Variants in PDE11A observed in about 807,000 individuals in gnomAD.
The protein encoded by PDE11A is phosphodiesterase 11A, also known as dual 3',5'-cyclic-AMP and -GMP phosphodiesterase 11A.
PDE11A carries 100 observed loss-of-function variants against 100.5 expected under a neutral mutation model. The ratio of observed to expected loss-of-function variants is 1.00; its 90% confidence interval spans 0.85 to 1.18. The LOEUF is 1.18. PDE11A is among the 50% of genes most tolerant of loss of function. PDE11A has a pLI of 0.00. For synonymous variants in PDE11A, 381 were observed against 420.8 expected (o/e 0.91, Z 1.16); for missense variants, 1,141 against 1,152.6 (o/e 0.99, Z 0.15).
intron 1 of PDE11A, among the ~76,000 whole-genome samples, chr2:178,065,198 A>G (rs1250654082): frequency 6.6e-6 from 1 of 152,232 alleles, no homozygotes; most frequent in East Asian, 1.9e-4. Context: ...ATGGCAAAAT[A>G]CTACCCTTAA....
At chr2:177,979,389 G>T (rs1216812872) in intron 2 of PDE11A, among the ~76,000 whole-genome samples, 1 of 150,502 alleles carries the variant, frequency 6.6e-6, no homozygotes, top group African/African-American at 2.4e-5. Flanking sequence ...TTTTTATATT[G>T]TTATGAGATA....
intron 2 of PDE11A, among the ~76,000 whole-genome samples, chr2:177,983,800 C>T (rs1162301653): frequency 6.6e-6 from 1 of 152,068 alleles, no homozygotes; most frequent in Non-Finnish European, 1.5e-5. Flanking sequence ...TAGATATAGC[C>T]ATAACATAAA....
chr2:177,649,773 A>G (rs978953630), intron 19 of PDE11A, among the ~76,000 whole-genome samples: 13 of 152,226 alleles, frequency 8.5e-5, no homozygotes, highest in Non-Finnish European at 1.3e-4. Flanking sequence ...AAAAAGGAGT[A>G]TGAGGGAGGA....
intron 10 of PDE11A, among the ~76,000 whole-genome samples, chr2:177,763,618 C>T (rs1427888373): frequency 6.6e-6 from 1 of 152,144 alleles, no homozygotes; most frequent in Non-Finnish European, 1.5e-5. Flanking sequence ...AGTAAGCTCC[C>T]GGCCTCTGCC....
At chr2:177,823,387 G>A (rs933493883) in intron 6 of PDE11A, among the ~76,000 whole-genome samples, 4 of 152,290 alleles carry the variant, frequency 2.6e-5, no homozygotes, top group Non-Finnish European at 4.4e-5. Flanking sequence ...AGCAGCCCAA[G>A]ACCCTTTACA....
At chr2:177,721,502 A>G (rs2081525018) in intron 12 of PDE11A, among the ~76,000 whole-genome samples, 1 of 152,202 alleles carries the variant, frequency 6.6e-6, no homozygotes, top group Non-Finnish European at 1.5e-5. Context: ...ACATCAAAAG[A>G]TAATAAATAA....
intron 18 of PDE11A, among the ~76,000 whole-genome samples, chr2:177,666,554 A>T (rs1473396503): frequency 6.6e-6 from 1 of 152,100 alleles, no homozygotes; most frequent in Admixed American, 6.6e-5. Context: ...GCCTCACCCA[A>T]CACTTGTTAT....
At chr2:178,062,309 G>A (rs1442362045) in intron 1 of PDE11A, among the ~76,000 whole-genome samples, 3 of 147,224 alleles carry the variant, frequency 2.0e-5, no homozygotes, top group Admixed American at 1.4e-4. Context: ...GAGAGAATCT[G>A]ACTCCAGTCT....
chr2:177,691,929 A>C (rs760899323), intron 15 of PDE11A, among the ~76,000 whole-genome samples: 3 of 152,226 alleles, frequency 2.0e-5, no homozygotes, highest in Non-Finnish European at 4.4e-5. Context: ...CTTGGTAAAC[A>C]ATGTAGAAAA....
intron 2 of PDE11A, among the ~76,000 whole-genome samples, chr2:177,910,907 C>T (rs13422706): frequency 0.063 from 9,558 of 152,190 alleles, 313 homozygotes; most frequent in South Asian, 0.094. Flanking sequence ...TGAAGAATGC[C>T]GGGGGTCTAC....
At chr2:177,783,437 G>T (rs1241921108) in intron 9 of PDE11A, among the ~76,000 whole-genome samples, 7 of 152,106 alleles carry the variant, frequency 4.6e-5, no homozygotes, top group Admixed American at 3.9e-4. Flanking sequence ...AATTTGGACT[G>T]ATTTCTAAAT....
chr2:177,919,711 G>A (rs922250930), intron 2 of PDE11A, among the ~76,000 whole-genome samples: 3 of 151,682 alleles, frequency 2.0e-5, no homozygotes, highest in Admixed American at 6.6e-5. Flanking sequence ...ATATTAAAAA[G>A]ATATCAATTA....
chr2:177,754,032 C>A (rs1288560161), intron 10 of PDE11A, among the ~76,000 whole-genome samples: 1 of 151,806 alleles, frequency 6.6e-6, no homozygotes, highest in Admixed American at 6.6e-5. Context: ...AGTGAGAGAG[C>A]CAATGAAATG....
intron 1 of PDE11A, among the ~76,000 whole-genome samples, 195 bp from the exon 2 acceptor site, chr2:178,014,655 T>TGA (rs2086312800): frequency 6.6e-6 from 1 of 152,170 alleles, no homozygotes; most frequent in Admixed American, 6.5e-5. Flanking sequence ...CCATAGTTGT[T>TGA]TGCCATAGTA....
intron 19 of PDE11A, among the ~76,000 whole-genome samples, chr2:177,659,221 A>G (rs1200482522): frequency 6.7e-6 from 1 of 149,416 alleles, no homozygotes; most frequent in Non-Finnish European, 1.5e-5. Context: ...AGATCAAGCC[A>G]TTGCACTCCA....
intron 6 of PDE11A, among the ~76,000 whole-genome samples, chr2:177,836,881 A>T (rs1439130649): frequency 1.3e-5 from 2 of 152,186 alleles, no homozygotes; most frequent in African/African-American, 4.8e-5. Context: ...CACCAGAAGG[A>T]AGAAACTCCA....
chr2:177,995,474 T>C (rs2086058562), intron 2 of PDE11A, among the ~76,000 whole-genome samples: 1 of 152,106 alleles, frequency 6.6e-6, no homozygotes, highest in Non-Finnish European at 1.5e-5. Context: ...CACAAACTAT[T>C]CCTAAAAAAA....
intron 19 of PDE11A, among the ~76,000 whole-genome samples, chr2:177,662,221 C>A (rs2080494683): frequency 6.6e-6 from 1 of 152,028 alleles, no homozygotes; most frequent in Admixed American, 6.6e-5. Context: ...CATGGAAAAC[C>A]ATATGAGGAT....
intron 10 of PDE11A, among the ~76,000 whole-genome samples, chr2:177,745,616 T>G (rs1272038276): frequency 6.6e-6 from 1 of 152,218 alleles, no homozygotes; most frequent in African/African-American, 2.4e-5. Flanking sequence ...GCCCAGGTCC[T>G]GAAGGGTTCT....
Sources: gnomAD v4.1 joint callset for allele counts (sites outside exome capture counted in the v4.1 genomes callset) on GRCh38, gnomAD v4.1.1 for gene constraint, MANE v1.5 for transcripts, NCBI Gene and HGNC (gene_info 2026-07-23, HGNC 2026-07-21) for gene names.